Variants in TNRC6B observed in about 807,000 individuals in gnomAD.
TNRC6B encodes trinucleotide repeat-containing gene 6B protein.
TNRC6B carries 52 observed loss-of-function variants against 203.6 expected under a neutral mutation model. That is an observed-to-expected ratio of 0.26 (90% CI 0.20 to 0.32). TNRC6B has a LOEUF of 0.32. Among genes scored for constraint, TNRC6B ranks in the 10% least tolerant of loss-of-function variants. The probability of loss-of-function intolerance (pLI) is 1.00; values close to 1 mark genes in which losing one functional copy is unlikely to be tolerated. For missense variants in TNRC6B, 1,923 were observed against 2,286.2 expected, an observed-to-expected ratio of 0.84 and a Z score of 3.24; for synonymous variants, 838 against 845.7, an observed-to-expected ratio of 0.99 and a Z score of 0.16.
chr22:40,232,732 G>A (rs1159985402), intron 1 of TNRC6B, among the ~76,000 whole-genome samples: 2 of 152,204 alleles, frequency 1.3e-5, no homozygotes, highest in Non-Finnish European at 2.9e-5. Flanking sequence ...AAAATAGCTG[G>A]CTGGGTGCAG....
Position 40,214,882 on chromosome 22 carries a change from G to A in TNRC6B, c.6-31133G>A, listed in dbSNP as rs573127350. 7.9e-5 allele frequency among the ~76,000 whole-genome samples: 12 copies of A among 152,174 alleles called. No homozygotes were observed. In the South Asian group the frequency reaches 2.5e-3, roughly 32 times the overall value. On this transcript the variant is annotated intron_variant, in intron 1 of 22. Transcript: ENST00000454349. ...TGTTGTATTTCTTACAACTGCATGT[G>A]TATCTACAATTATCTCAAAAAGTTA...
chr22:40,147,589 C>T, intron 3 of TNRC6B, among the ~76,000 whole-genome samples: 1 of 152,060 alleles, frequency 6.6e-6, no homozygotes, highest in Non-Finnish European at 1.5e-5. Context: ...GGTGGAAGGG[C>T]AAAAAGCGAC....
chr22:40,226,386 G>A (rs189943915), intron 1 of TNRC6B, among the ~76,000 whole-genome samples: 6 of 152,076 alleles, frequency 3.9e-5, no homozygotes, highest in Non-Finnish European at 5.9e-5. Flanking sequence ...TCCAGGATTC[G>A]AATAACAGAC....
At chr22:40,251,259 T>G (rs1030232799) in intron 3 of TNRC6B, 59 bp downstream of exon 3, 2 of 1,346,778 alleles carry the variant, frequency 1.5e-6, no homozygotes, top group African/African-American at 3.0e-5. Flanking sequence ...GCTTTTACAC[T>G]GTTGCTGACT....
At chr22:40,227,358 C>CTTTTTTT (rs71199278) in intron 1 of TNRC6B, among the ~76,000 whole-genome samples, 4 of 70,998 alleles carry the variant, frequency 5.6e-5, no homozygotes, top group African/African-American at 9.9e-5. Flanking sequence ...CTGAAATTAC[C>CTTTTTTT]TTTTTTTTTT....
In TNRC6B at chr22:40,273,538, C is replaced by G; in HGVS notation, c.3079C>G (p.Gln1027Glu). 1 of 1,594,124 alleles carries G rather than the reference C, an allele frequency of 6.3e-7. No individual in the cohort carries two copies. The highest frequency in any genetic ancestry group is 8.5e-7 in the Non-Finnish European group (1 of 1,170,018). Residue 1027 changes from glutamine to glutamate, a missense_variant, in exon 7 of 23, where the codon CAG (glutamine) becomes GAG (glutamate). Around this residue, in one of 8 missense-constraint regions of TNRC6B, gnomAD observed 599 missense variants for 656.5 expected, o/e 0.91. Coordinates refer to ENST00000454349, the MANE Select transcript of TNRC6B (RefSeq NM_001162501.2). ...AGGAGTCTGGAACACCACTGGCTCT[C>G]AGGGCAGTGCTTCCTCCCACAACTC... ...DGGVWNTTGS[Q>E]GSASSHNSAS...
chr22:40,282,721 A>T (rs150058418), intron 11 of TNRC6B, among the ~76,000 whole-genome samples: 3 of 152,192 alleles, frequency 2.0e-5, no homozygotes, highest in African/African-American at 7.2e-5. Flanking sequence ...GTTTGTGGAC[A>T]TATTCTATCT....
intron 21 of TNRC6B, among the ~76,000 whole-genome samples, chr22:40,318,898 C>T (rs1056719717): frequency 6.6e-6 from 1 of 152,020 alleles, no homozygotes; most frequent in African/African-American, 2.4e-5. Context: ...TGGCGAAACC[C>T]CATCTCTACT....
At chr22:40,195,001 A>C (rs1344243564) in intron 1 of TNRC6B, among the ~76,000 whole-genome samples, 2 of 152,182 alleles carry the variant, frequency 1.3e-5, no homozygotes, top group African/African-American at 4.8e-5. Context: ...GCCCTCCTTT[A>C]AATTTTGCTT....
chr22:40,125,783 G>A (rs1181389371), exon 3 of TNRC6B: 6 of 1,595,148 alleles, frequency 3.8e-6, no homozygotes, highest in African/African-American at 2.7e-5. Flanking sequence ...CAGTATTTTT[G>A]TGTTTCTGCA....
At chr22:40,165,324 G>A (rs373192108) in intron 4 of TNRC6B, among the ~76,000 whole-genome samples, 4 of 151,712 alleles carry the variant, frequency 2.6e-5, no homozygotes, top group Non-Finnish European at 4.4e-5. Context: ...CTACAGGCAC[G>A]CACTACCATG....
At chr22:40,148,151 C>A (rs1480558729) in intron 3 of TNRC6B, among the ~76,000 whole-genome samples, 1 of 152,064 alleles carries the variant, frequency 6.6e-6, no homozygotes, top group Non-Finnish European at 1.5e-5. Flanking sequence ...GCAGTTAAAA[C>A]CATGATTAGA....
chr22:40,224,347 G>A (rs527764541), intron 1 of TNRC6B, among the ~76,000 whole-genome samples: 10 of 152,264 alleles, frequency 6.6e-5, no homozygotes, highest in African/African-American at 2.4e-4. Flanking sequence ...TATAGAGAAT[G>A]CAGTTGATCT....
chr22:40,300,510 T>C lies in TNRC6B; in HGVS notation c.3764T>C (p.Phe1255Ser). 6.2e-7 allele frequency: 1 copy of C among 1,613,134 alleles called. No homozygotes were observed. The highest frequency in any genetic ancestry group is 8.5e-7 in the Non-Finnish European group (1 of 1,179,612). ...FPNSGLSPGL[F>S]NVGPQLSPQQ... ...AACAGTGGCCTGAGTCCAGGTCTTTTCAATGTGGGGCCCCAGTTATCTCCT... is the reference window on the plus strand; with the variant it reads ...AACAGTGGCCTGAGTCCAGGTCTTTCCAATGTGGGGCCCCAGTTATCTCCT... The change falls in exon 13 of 23, where the codon TTC becomes TCC. Residue 1255 changes from phenylalanine (F) to serine (S), a missense_variant. Physicochemically the swap from Phe to Ser is radical, Grantham distance 155. This residue lies in a region of TNRC6B where 242 missense variants were observed against 399.5 expected (regional missense o/e 0.61). Coordinates refer to ENST00000454349, the MANE Select transcript of TNRC6B (RefSeq NM_001162501.2).
At chr22:40,138,166 C>T (rs1025814925) in intron 3 of TNRC6B, among the ~76,000 whole-genome samples, 7 of 152,108 alleles carry the variant, frequency 4.6e-5, no homozygotes, top group African/African-American at 1.4e-4. Context: ...GAGAAGCATA[C>T]AGGAAGGATG....
chr22:40,136,329 G>A (rs543957595), intron 3 of TNRC6B, among the ~76,000 whole-genome samples: 1 of 151,466 alleles, frequency 6.6e-6, no homozygotes, highest in South Asian at 2.1e-4. Context: ...GAGCCGTTGG[G>A]TGTCTGTGAT....
rs1468408909 is a variant in TNRC6B, at chr22:40,178,100, G to A, written c.-36G>A. ...TTTCATTTCCATTTCTACCTTGTAT[G>A]CCTCAATTTGCTGGATTTAAGCACT... On this transcript the variant is annotated 5_prime_UTR_variant, in exon 1 of 23. It removes an upstream start codon present in the reference 5' UTR. Coordinates refer to ENST00000454349, the MANE Select transcript of TNRC6B (RefSeq NM_001162501.2). The A allele has an allele frequency of 1.2e-6, 2 of 1,610,176 alleles. No homozygotes were observed. Among genetic ancestry groups the A allele is most frequent in the African/African-American group, 1.3e-5 (1 of 74,654 alleles).
At chr22:40,306,953 A>G (rs946127734) in intron 15 of TNRC6B, among the ~76,000 whole-genome samples, 1 of 152,086 alleles carries the variant, frequency 6.6e-6, no homozygotes, top group African/African-American at 2.4e-5. Context: ...GTGCCACTGC[A>G]CTCCAGCCTG....
In TNRC6B at chr22:40,131,095, AT is replaced by A. The variant is rs540814086; in HGVS notation, c.45+5239del. On this transcript the variant is annotated intron_variant, in intron 3 of 23. Coordinates refer to the TNRC6B transcript ENST00000301923. The stretch of plus-strand genomic sequence containing the variant: ...ATTTTTTGCCCAGATAATTTTTTGT[AT>A]TTTTTAGTAGAGACGGGGTTTCAGC... Among the ~76,000 whole-genome samples the A allele has an allele frequency of 8.6e-3, 1,310 of 151,452 alleles. 9 individuals are homozygous for A. Among genetic ancestry groups the A allele is most frequent in the South Asian group, 0.025 (119 of 4,784 alleles).
Sources: allele counts gnomAD v4.1 joint callset (sites outside exome capture counted in the v4.1 genomes callset), GRCh38; gene constraint gnomAD v4.1.1; regional missense constraint gnomAD v4.1.1; transcripts MANE v1.5; gene names NCBI Gene and HGNC (gene_info 2026-07-23, HGNC 2026-07-21).